KCTD8: variants seen among roughly 807,000 people sequenced by gnomAD.
The protein encoded by KCTD8 is potassium channel tetramerization domain containing 8, also known as BTB/POZ domain-containing protein KCTD8.
KCTD8 carries 27 observed loss-of-function variants against 31.5 expected under a neutral mutation model. The observed-to-expected ratio is 0.86, with a 90% CI of 0.63 to 1.18. The LOEUF (loss-of-function observed/expected upper bound fraction) is 1.18. Ranked by LOEUF, KCTD8 falls within the 50% of genes most tolerant of loss-of-function variation. The probability of loss-of-function intolerance (pLI) is 0.00; values close to 1 mark genes in which losing one functional copy is unlikely to be tolerated. For synonymous variants in KCTD8, 290 were observed against 280.0 expected (o/e 1.04, Z -0.36); for missense variants, 658 against 647.7 (o/e 1.02, Z -0.17).
chr4:44,345,190 G>A (rs1168372246), intron 1 of KCTD8, among the ~76,000 whole-genome samples: 3 of 151,290 alleles, frequency 2.0e-5, no homozygotes, highest in Non-Finnish European at 2.9e-5. Flanking sequence ...AGAACAATAA[G>A]TTAGCCTTTA....
intron 1 of KCTD8, among the ~76,000 whole-genome samples, chr4:44,246,618 AT>A: frequency 6.6e-6 from 1 of 151,950 alleles, no homozygotes; most frequent in African/African-American, 2.4e-5. Flanking sequence ...CTCTTTCTCA[AT>A]TTTCCTTTAT....
intron 1 of KCTD8, among the ~76,000 whole-genome samples, chr4:44,394,354 G>T (rs1720444111): frequency 1.3e-5 from 2 of 151,804 alleles, no homozygotes; most frequent in South Asian, 4.1e-4. Context: ...TATCTTCTTT[G>T]AGCTTCCAAA....
At chr4:44,217,677 A>C (rs1285968331) in intron 1 of KCTD8, among the ~76,000 whole-genome samples, 1 of 152,174 alleles carries the variant, frequency 6.6e-6, no homozygotes. Flanking sequence ...AACAGGCAGA[A>C]GAAGGTGGGA....
intron 1 of KCTD8, among the ~76,000 whole-genome samples, chr4:44,212,679 T>C (rs1209913458): frequency 6.6e-6 from 1 of 152,178 alleles, no homozygotes. Flanking sequence ...CTATACCTGG[T>C]ACTTCTTTTT....
chr4:44,175,869 T>C (rs988578757), intron 1 of KCTD8, among the ~76,000 whole-genome samples: 3 of 152,230 alleles, frequency 2.0e-5, no homozygotes, highest in African/African-American at 7.2e-5. Flanking sequence ...ATAAGATATA[T>C]AGGGGCCTAA....
At chr4:44,326,115 T>C (rs1273022618) in intron 1 of KCTD8, among the ~76,000 whole-genome samples, 1 of 151,936 alleles carries the variant, frequency 6.6e-6, no homozygotes, top group Non-Finnish European at 1.5e-5. Flanking sequence ...TTCACAACCT[T>C]GTGTTTTTTC....
chr4:44,352,623 A>G (rs185751925), intron 1 of KCTD8, among the ~76,000 whole-genome samples: 1 of 150,352 alleles, frequency 6.7e-6, no homozygotes, highest in Admixed American at 6.7e-5. Context: ...ATTTTTAGAA[A>G]TCATAGAAAA....
chr4:44,291,984 C>T (rs932442505), intron 1 of KCTD8, among the ~76,000 whole-genome samples: 1 of 92,412 alleles, frequency 1.1e-5, no homozygotes, highest in East Asian at 3.4e-4. Context: ...AAAAAAAAAA[C>T]AGGTGTCAGT....
In KCTD8 at chr4:44,173,940, G is replaced by A. The variant is rs1713117972; in HGVS notation, c.*850C>T. The stretch of plus-strand genomic sequence containing the variant: ...TTTCTTTTTTTAATAAATACATAAA[G>A]CTCTTTACCATTTCCCTCTATTATT... On this transcript the variant is annotated 3_prime_UTR_variant, in exon 2 of 2. Coordinates refer to ENST00000360029, the MANE Select transcript of KCTD8 (RefSeq NM_198353.3). The A allele has an allele frequency of 6.6e-6, 1 of 151,798 alleles. No homozygotes were observed. The highest frequency in any genetic ancestry group is 2.1e-4 in the South Asian group (1 of 4,808). 9.4% of individuals were successfully genotyped at this position (151,798 alleles called of 1,614,324 possible).
chr4:44,208,579 T>C (rs1714386573), intron 1 of KCTD8, among the ~76,000 whole-genome samples: 1 of 152,194 alleles, frequency 6.6e-6, no homozygotes, highest in Non-Finnish European at 1.5e-5. Flanking sequence ...GCTCCAATAG[T>C]ACAATGTATG....
intron 1 of KCTD8, among the ~76,000 whole-genome samples, chr4:44,395,379 C>T (rs373640508): frequency 2.1e-4 from 32 of 152,090 alleles, no homozygotes; most frequent in East Asian, 7.8e-4. Flanking sequence ...AGGGTGTAGG[C>T]CAATCTGGCT....
chr4:44,185,250 A>G (rs1265935761), intron 1 of KCTD8, among the ~76,000 whole-genome samples: 1 of 150,636 alleles, frequency 6.6e-6, no homozygotes, highest in Non-Finnish European at 1.5e-5. Context: ...CAATTCTACC[A>G]TTACAGCAAC....
chr4:44,419,663 G>C (rs1721163664), intron 1 of KCTD8, among the ~76,000 whole-genome samples: 1 of 151,856 alleles, frequency 6.6e-6, no homozygotes, highest in South Asian at 2.1e-4. Flanking sequence ...AGAACGCTTG[G>C]ACACAGGGCA....
chr4:44,188,722 C>A (rs1713668817), intron 1 of KCTD8, among the ~76,000 whole-genome samples: 1 of 152,176 alleles, frequency 6.6e-6, no homozygotes, highest in Non-Finnish European at 1.5e-5. Context: ...AGATCTGATA[C>A]TTACAGAGGA....
intron 1 of KCTD8, among the ~76,000 whole-genome samples, chr4:44,370,976 G>A (rs1719768727): frequency 6.6e-6 from 1 of 152,018 alleles, no homozygotes; most frequent in South Asian, 2.1e-4. Flanking sequence ...AAGCCATGAA[G>A]CCCCAAAATT....
At chr4:44,409,288 A>AT (rs982033077) in intron 1 of KCTD8, among the ~76,000 whole-genome samples, 2 of 151,576 alleles carry the variant, frequency 1.3e-5, no homozygotes, top group South Asian at 4.2e-4. Context: ...GAGGGAGGAG[A>AT]TTTTTTATAT....
chr4:44,253,442 A>G (rs1577576593), intron 1 of KCTD8, among the ~76,000 whole-genome samples: 1 of 151,778 alleles, frequency 6.6e-6, no homozygotes, highest in Non-Finnish European at 1.5e-5. Flanking sequence ...CTGATGGTGG[A>G]GTTTGTGTCC....
chr4:44,351,823 C>G (rs1337527663), intron 1 of KCTD8, among the ~76,000 whole-genome samples: 1 of 152,048 alleles, frequency 6.6e-6, no homozygotes, highest in Non-Finnish European at 1.5e-5. Flanking sequence ...GTAGTTATAG[C>G]TACACAACTG....
At chr4:44,354,526 A>T (rs1181946543) in intron 1 of KCTD8, among the ~76,000 whole-genome samples, 1 of 152,142 alleles carries the variant, frequency 6.6e-6, no homozygotes, top group Non-Finnish European at 1.5e-5. Context: ...TTTTTAATGA[A>T]GCCTAAAGGA....
Sources: allele counts gnomAD v4.1 joint callset (sites outside exome capture counted in the v4.1 genomes callset), GRCh38; gene constraint gnomAD v4.1.1; transcripts MANE v1.5; gene names NCBI Gene and HGNC (gene_info 2026-07-23, HGNC 2026-07-21).